The following BCAS3 variants were observed in gnomAD, a reference collection of about 807,000 sequenced individuals.
The protein encoded by BCAS3 is BCAS3 microtubule associated cell migration factor, also known as BCAS4/BCAS3 fusion.
A neutral mutation model predicts 116.1 loss-of-function variants in BCAS3; 53 were observed. That is an observed-to-expected ratio of 0.46 (90% CI 0.37 to 0.57). BCAS3 has a LOEUF of 0.57. BCAS3 is among the 20% of genes least tolerant of loss of function. BCAS3 has a pLI of 0.00. For synonymous variants in BCAS3, 391 were observed against 408.2 expected, an observed-to-expected ratio of 0.96 and a Z score of 0.51; for missense variants, 917 against 1,165.4, an observed-to-expected ratio of 0.79 and a Z score of 3.10.
intron 19 of BCAS3, among the ~76,000 whole-genome samples, chr17:61,064,773 T>G (rs1212658679): frequency 6.6e-6 from 1 of 152,198 alleles, no homozygotes; most frequent in Non-Finnish European, 1.5e-5. Context: ...GTTAGAAAAC[T>G]TTAATAATTA....
At chr17:60,959,316 A>T (rs528378884) in intron 14 of BCAS3, among the ~76,000 whole-genome samples, 5 of 150,296 alleles carry the variant, frequency 3.3e-5, no homozygotes, top group South Asian at 2.1e-4. Context: ...CAAAAAAAAA[A>T]TTTTTTTTTT....
At chr17:60,715,443 T>C (rs1345409438) in intron 5 of BCAS3, among the ~76,000 whole-genome samples, 1 of 152,116 alleles carries the variant, frequency 6.6e-6, no homozygotes, top group East Asian at 1.9e-4. Context: ...CTACTAGTTA[T>C]TGTCATTTTA....
chr17:60,745,350 T>C (rs1598421254), intron 5 of BCAS3, among the ~76,000 whole-genome samples: 1 of 151,974 alleles, frequency 6.6e-6, no homozygotes, highest in South Asian at 2.1e-4. Context: ...GTAAATGGCT[T>C]GGCAGTGTTT....
chr17:60,686,169 A>G (rs923501611), intron 3 of BCAS3, among the ~76,000 whole-genome samples: 32 of 152,198 alleles, frequency 2.1e-4, no homozygotes, highest in Middle Eastern at 6.8e-3. Flanking sequence ...CACCCGGCCT[A>G]TGTTAGACAT....
At chr17:60,877,101 A>G (rs1053496802) in intron 9 of BCAS3, among the ~76,000 whole-genome samples, 4 of 152,040 alleles carry the variant, frequency 2.6e-5, no homozygotes, top group Non-Finnish European at 5.9e-5. Flanking sequence ...AAAATTATTT[A>G]TATAGGATCA....
chr17:60,966,304 A>C (rs1017714805), intron 14 of BCAS3, among the ~76,000 whole-genome samples: 1 of 152,162 alleles, frequency 6.6e-6, no homozygotes, highest in Non-Finnish European at 1.5e-5. Flanking sequence ...TTTTAGTTGG[A>C]TAATCGAGAC....
rs140173453 is a variant in BCAS3, at chr17:60,791,483, A to G, written c.404-16521A>G. Among the ~76,000 whole-genome samples the G allele has an allele frequency of 1.0e-3, 159 of 152,232 alleles. 1 individual carries two copies. The highest frequency in any genetic ancestry group is 3.0e-3 in the Admixed American group (46 of 15,292). On this transcript the variant is annotated intron_variant, in intron 6 of 23. Coordinates refer to ENST00000407086, the MANE Select transcript of BCAS3 (RefSeq NM_017679.5). ...AGCCTGGGCACAGAGAGAGACCTCT[A>G]TCTCTACAAAATATTAAAGAATTAG...
chr17:60,704,785 C>T (rs578073056), intron 4 of BCAS3, among the ~76,000 whole-genome samples: 1 of 151,666 alleles, frequency 6.6e-6, no homozygotes, highest in Admixed American at 6.6e-5. Flanking sequence ...TTACAGTTAG[C>T]TGAGATTGTG....
chr17:61,039,673 G>T (rs772683905), intron 18 of BCAS3, among the ~76,000 whole-genome samples: 1 of 152,098 alleles, frequency 6.6e-6, no homozygotes, highest in African/African-American at 2.4e-5. Flanking sequence ...CACCCACCTC[G>T]GCCTCCCAAA....
chr17:61,081,989 A>C (rs931670090), intron 21 of BCAS3, among the ~76,000 whole-genome samples: 1 of 152,164 alleles, frequency 6.6e-6, no homozygotes, highest in African/African-American at 2.4e-5. Context: ...GTGCAGTGAT[A>C]ATCTTCCTCC....
At chr17:61,074,605 T>A (rs2143454769) in intron 19 of BCAS3, among the ~76,000 whole-genome samples, 1 of 152,318 alleles carries the variant, frequency 6.6e-6, no homozygotes, top group South Asian at 2.1e-4. Context: ...TTTTAAAGAA[T>A]CCTAATGTCA....
intron 22 of BCAS3, among the ~76,000 whole-genome samples, chr17:61,318,588 G>T (rs2054933399): frequency 6.6e-6 from 1 of 152,204 alleles, no homozygotes; most frequent in Non-Finnish European, 1.5e-5. Flanking sequence ...GCCAACAGAT[G>T]ACGGGTTATT....
chr17:60,769,632 G>A lies in BCAS3; in HGVS notation c.403+22353G>A, dbSNP rs182715827. 2.0e-5 allele frequency among the ~76,000 whole-genome samples: 3 copies of A among 152,284 alleles called. No individual in the cohort carries two copies. The South Asian group carries it at 6.2e-4, about 32-fold the overall frequency. On this transcript the variant is annotated intron_variant, in intron 6 of 23. Transcript: ENST00000407086. ...TGGTTGTGGGGAATGCAGTTTGCTT[G>A]TGCTGTTGGTCCACAGCAGCCTGCA...
chr17:61,385,809 T>A (rs1298355539), intron 23 of BCAS3, among the ~76,000 whole-genome samples: 1 of 152,192 alleles, frequency 6.6e-6, no homozygotes, highest in Non-Finnish European at 1.5e-5. Context: ...AAATTTATTT[T>A]CCATTTTGGA....
At chr17:61,123,005 G>A (rs1397901209) in intron 22 of BCAS3, among the ~76,000 whole-genome samples, 4 of 150,540 alleles carry the variant, frequency 2.7e-5, no homozygotes, top group Admixed American at 6.6e-5. Flanking sequence ...GCAATGGTGC[G>A]ATCTTGGCTC....
At chr17:60,816,850 A>C (rs1369572959) in intron 7 of BCAS3, among the ~76,000 whole-genome samples, 2 of 152,116 alleles carry the variant, frequency 1.3e-5, no homozygotes, top group African/African-American at 2.4e-5. Context: ...ACAATGGTGG[A>C]GTTATGCCGG....
chr17:60,698,183 C>CAAAAAAAAAA (rs759028839), intron 4 of BCAS3, among the ~76,000 whole-genome samples: 1 of 55,284 alleles, frequency 1.8e-5, no homozygotes, highest in Non-Finnish European at 3.5e-5. Context: ...CTCCGTCTCA[C>CAAAAAAAAAA]AAAAAAAAAA....
At position 61,211,886 on chromosome 17, in the gene BCAS3, C is replaced by G. The variant is rs1194897594; in HGVS notation, c.2425+127322C>G. ...GGCCTTAGCATAAAGTTAATATCGT[C>G]AAAGATCTGACTATAATCCATTTCA... On this transcript the variant is annotated intron_variant, in intron 22 of 23. Transcript: ENST00000407086. This position sits in a 1 kb window ranked among gnomAD's most constrained non-coding sequence, Gnocchi z 4.4. 6.6e-6 allele frequency among the ~76,000 whole-genome samples: 1 copy of G among 152,196 alleles called. No homozygotes were observed. Among genetic ancestry groups the G allele is most frequent in the Non-Finnish European group, 1.5e-5 (1 of 68,044 alleles).
chr17:60,911,070 C>T (rs1332875296), intron 12 of BCAS3, among the ~76,000 whole-genome samples: 3 of 147,116 alleles, frequency 2.0e-5, no homozygotes, highest in East Asian at 2.0e-4. Flanking sequence ...TGTGTAATGA[C>T]ATTTGTCATA....
Sources: allele counts gnomAD v4.1 joint callset (sites outside exome capture counted in the v4.1 genomes callset), GRCh38; gene constraint gnomAD v4.1.1; non-coding constraint Gnocchi (gnomAD v3.1); transcripts MANE v1.5; gene names NCBI Gene and HGNC (gene_info 2026-07-23, HGNC 2026-07-21).